Variants in RMND1 observed in about 807,000 individuals in gnomAD.
The protein encoded by RMND1 is required for meiotic nuclear division 1 homolog, also known as required for meiotic nuclear division protein 1 homolog.
In RMND1, 41 loss-of-function variants were observed where a neutral mutation model predicts 54.0. The observed-to-expected ratio is 0.76, with a 90% CI of 0.59 to 0.98. The LOEUF is 0.98. Ranked by LOEUF, RMND1 falls within the 50% of genes least tolerant of loss-of-function variation. The probability of loss-of-function intolerance (pLI) is 0.00; values close to 1 mark genes in which losing one functional copy is unlikely to be tolerated. For missense variants in RMND1, 457 were observed against 532.0 expected, an observed-to-expected ratio of 0.86 and a Z score of 1.39; for synonymous variants, 183 against 181.7, an observed-to-expected ratio of 1.01 and a Z score of -0.06.
chr6:151,421,362 C>T (rs1780146467), intron 8 of RMND1, 41 bp from the exon 9 acceptor site: 1 of 1,455,688 alleles, frequency 6.9e-7, no homozygotes, highest in South Asian at 1.2e-5. Flanking sequence ...AACCATGTAT[C>T]TCTCTTTCTA....
rs1224413624 is a variant in RMND1 at position 151,422,539 on chromosome 6, A to G, written c.1002+2T>C. ...GAATAAGCATAAAATTGATATAATTACCTCAGGAATTGACTGAATAGATTC... is the reference window on the plus strand; with the variant it reads ...GAATAAGCATAAAATTGATATAATTGCCTCAGGAATTGACTGAATAGATTC... On this transcript the variant is annotated splice_donor_variant, in intron 8 of 11. Transcript: ENST00000444024. LOFTEE classifies it high-confidence loss of function. 1.4e-6 allele frequency: 2 copies of G among 1,451,978 alleles called. No homozygotes were observed. Among genetic ancestry groups the G allele is most frequent in the Non-Finnish European group, 1.9e-6 (2 of 1,067,430 alleles). The allele number at this position is 1,451,978 out of a possible 1,614,324, so 89.9% of individuals were successfully genotyped here.
intron 1 of RMND1, chr6:151,446,082 T>TA: frequency 2.8e-6 from 1 of 360,290 alleles, no homozygotes. Flanking sequence ...TTAAAAAAAA[T>TA]AGTGATGGGA....
intron 4 of RMND1, among the ~76,000 whole-genome samples, chr6:151,431,017 C>T (rs1214035264): frequency 6.6e-6 from 1 of 152,066 alleles, no homozygotes; most frequent in Non-Finnish European, 1.5e-5. Context: ...GGGACTGACA[C>T]TTAGACCACC....
intron 10 of RMND1, among the ~76,000 whole-genome samples, chr6:151,408,476 G>A (rs1246862191): frequency 6.6e-6 from 1 of 152,136 alleles, no homozygotes; most frequent in Non-Finnish European, 1.5e-5. Context: ...CAGAAAAAAA[G>A]AAGTTAGTAC....
At chr6:151,445,910 CTGTTAGAAAAATTTGTAAAACAGATACA>C in intron 1 of RMND1, 85 bp from the exon 2 acceptor site, 1 of 1,266,532 alleles carries the variant, frequency 7.9e-7, no homozygotes, top group East Asian at 2.5e-5. Flanking sequence ...AGGCATATTT[CTGTTAGAAAAATTTGTAAAACAGATACA>C]TTCTAAGTTA....
intron 6 of RMND1, among the ~76,000 whole-genome samples, chr6:151,426,793 G>T (rs1173983958): frequency 6.6e-6 from 1 of 151,684 alleles, no homozygotes. Flanking sequence ...TTTTGAGACG[G>T]AGTTTCACTC....
intron 4 of RMND1, among the ~76,000 whole-genome samples, chr6:151,432,226 C>T (rs766801469): frequency 2.0e-5 from 3 of 152,144 alleles, no homozygotes; most frequent in Non-Finnish European, 2.9e-5. Flanking sequence ...CATAAGCCAC[C>T]GTGCCCAGCC....
intron 1 of RMND1, among the ~76,000 whole-genome samples, chr6:151,450,616 G>A (rs1180914580): frequency 4.7e-5 from 7 of 150,350 alleles, no homozygotes; most frequent in African/African-American, 1.2e-4. Flanking sequence ...CGCCCCGTCC[G>A]GGAGGTGAGG....
intron 2 of RMND1, among the ~76,000 whole-genome samples, chr6:151,440,393 C>T (rs752152565): frequency 7.9e-5 from 12 of 152,220 alleles, no homozygotes; most frequent in Admixed American, 1.3e-4. Flanking sequence ...CCGACACTAA[C>T]GGCAAATTGA....
intron 4 of RMND1, 132 bp from the exon 5 acceptor site, chr6:151,430,309 T>C: frequency 1.6e-6 from 1 of 609,626 alleles, no homozygotes; most frequent in Non-Finnish European, 3.0e-6. Flanking sequence ...ACTTACTAAT[T>C]TGATATTATG....
intron 1 of RMND1, among the ~76,000 whole-genome samples, chr6:151,446,357 C>T (rs559664271): frequency 1.9e-4 from 28 of 151,252 alleles, no homozygotes; most frequent in Non-Finnish European, 3.8e-4. Flanking sequence ...CACTTGAGCC[C>T]AGAAGACTGA....
At chr6:151,432,786 A>G (rs747315627) in intron 4 of RMND1, among the ~76,000 whole-genome samples, 3 of 152,078 alleles carry the variant, frequency 2.0e-5, no homozygotes, top group Non-Finnish European at 4.4e-5. Context: ...AGAAAATGGC[A>G]AGAAGAGACA....
At chr6:151,413,299 T>C (rs1245840537) in intron 10 of RMND1, among the ~76,000 whole-genome samples, 1 of 152,368 alleles carries the variant, frequency 6.6e-6, no homozygotes, top group African/African-American at 2.4e-5. Flanking sequence ...TCACCCAGGC[T>C]GGAGTGCAGT....
rs546556539 is a variant in RMND1, at chr6:151,413,245, G to A, written c.1200+4034C>T. Among the ~76,000 whole-genome samples the A allele has an allele frequency of 3.3e-5, 5 of 152,244 alleles. No individual in the cohort carries two copies. In the South Asian group the frequency reaches 1.0e-3, roughly 32 times the overall value. ...ACCCACAAAAACTTAAATAGTAAGT[G>A]GTGTTTCTTTTTTCTTTTTATTTTT... On this transcript the variant is annotated intron_variant, in intron 10 of 11. Coordinates refer to ENST00000444024, the MANE Select transcript of RMND1 (RefSeq NM_017909.4).
At chr6:151,437,672 A>G (rs1403182613) in intron 2 of RMND1, among the ~76,000 whole-genome samples, 1 of 152,170 alleles carries the variant, frequency 6.6e-6, no homozygotes, top group African/African-American at 2.4e-5. Context: ...CAGCTCCCCA[A>G]TTCTTTCCCA....
intron 10 of RMND1, among the ~76,000 whole-genome samples, chr6:151,410,670 C>T (rs1322159290): frequency 6.6e-6 from 1 of 152,168 alleles, no homozygotes; most frequent in Non-Finnish European, 1.5e-5. Flanking sequence ...GCTCAGATTA[C>T]TCCAATTGAT....
chr6:151,418,675 G>T (rs9371517), intron 9 of RMND1: 82,808 of 151,974 alleles, frequency 0.54, 25,169 homozygotes, highest in African/African-American at 0.82. Flanking sequence ...TCTAGTTTCC[G>T]CTGTATCCTT....
At chr6:151,432,286 C>G (rs6914656) in intron 4 of RMND1, among the ~76,000 whole-genome samples, 82,858 of 152,062 alleles carry the variant, frequency 0.54, 25,181 homozygotes, top group African/African-American at 0.82. Flanking sequence ...GAGTCCCTCA[C>G]AAATCTAAAT....
rs377062712 is a variant in RMND1, at chr6:151,423,512, A to C, written c.937+13T>G. 10 of 1,510,704 alleles carry C rather than the reference A, an allele frequency of 6.6e-6. No individual in the cohort carries two copies. In the African/African-American group the frequency reaches 1.4e-4, roughly 21 times the overall value. The allele number at this position is 1,510,704 out of a possible 1,614,324, so 93.6% of individuals were successfully genotyped here. A position where few individuals can be genotyped will look rare whatever the true frequency, so the allele number is the denominator to read the frequency against. Reference sequence around the variant, plus strand: ...AACTGTAGTACCCTATCCCATAAGCAGTAGTAACTTACCAGAAAGGCATAG... The same window carrying C: ...AACTGTAGTACCCTATCCCATAAGCCGTAGTAACTTACCAGAAAGGCATAG... On this transcript the variant is annotated intron_variant, in intron 7 of 11. Coordinates refer to ENST00000444024, the MANE Select transcript of RMND1 (RefSeq NM_017909.4).
Sources: gnomAD v4.1 joint callset for allele counts (sites outside exome capture counted in the v4.1 genomes callset) on GRCh38, gnomAD v4.1.1 for gene constraint, MANE v1.5 for transcripts, NCBI Gene and HGNC (gene_info 2026-07-23, HGNC 2026-07-21) for gene names.